The following CNTN5 variants were observed in gnomAD, a reference collection of about 807,000 sequenced individuals.
CNTN5 encodes the protein contactin 5.
Under a neutral mutation model 129.1 loss-of-function variants are expected in CNTN5, and 77 were observed. The ratio of observed to expected loss-of-function variants is 0.60; its 90% CI spans 0.50 to 0.72. The LOEUF is 0.72. Ranked by LOEUF, CNTN5 falls within the 30% of genes least tolerant of loss-of-function variation. The pLI is 0.00. For missense variants in CNTN5, 1,478 were observed against 1,328.8 expected, an observed-to-expected ratio of 1.11 and a Z score of -1.75; for synonymous variants, 509 against 465.6, an observed-to-expected ratio of 1.09 and a Z score of -1.20.
intron 15 of CNTN5, among the ~76,000 whole-genome samples, chr11:100,221,754 T>G (rs1949270883): frequency 6.6e-6 from 1 of 151,780 alleles, no homozygotes; most frequent in Non-Finnish European, 1.5e-5. Flanking sequence ...GTGGCAAAAT[T>G]CATTTGAAGC....
In CNTN5 at chr11:99,519,551, A is replaced by T. The variant is rs115460119; in HGVS notation, c.-70-36594A>T. On this transcript the variant is annotated intron_variant, in intron 2 of 24. Coordinates refer to ENST00000524871, the MANE Select transcript of CNTN5 (RefSeq NM_014361.4). ...ATCATTCACCAAAATGTTAGATAAT[A>T]ATTTGAATATGTCAATTTTCTTCCT... 3.3e-3 allele frequency among the ~76,000 whole-genome samples: 501 copies of T among 152,180 alleles called. 7 individuals are homozygous for T. Among genetic ancestry groups the T allele is most frequent in the African/African-American group, 0.012 (481 of 41,560 alleles).
chr11:99,117,820 G>T (rs1050700877), intron 1 of CNTN5, among the ~76,000 whole-genome samples: 4 of 152,104 alleles, frequency 2.6e-5, no homozygotes, highest in African/African-American at 4.8e-5. Flanking sequence ...ACTTCTTCCT[G>T]GTGAGGAAGA....
intron 3 of CNTN5, among the ~76,000 whole-genome samples, chr11:99,625,935 C>A (rs1219830139): frequency 6.6e-6 from 1 of 150,516 alleles, no homozygotes; most frequent in Non-Finnish European, 1.5e-5. Context: ...CACACACACA[C>A]ACACACACAT....
intron 1 of CNTN5, among the ~76,000 whole-genome samples, chr11:99,217,705 GA>G (rs780903029): frequency 1.3e-5 from 2 of 152,018 alleles, no homozygotes; most frequent in Non-Finnish European, 2.9e-5. Context: ...TAGAAGAGAA[GA>G]AGAGAATTTT....
At chr11:99,059,403 G>A (rs1434477347) in intron 1 of CNTN5, among the ~76,000 whole-genome samples, 1 of 152,060 alleles carries the variant, frequency 6.6e-6, no homozygotes, top group African/African-American at 2.4e-5. Flanking sequence ...CCTAGTGGAA[G>A]ATGCTTCATT....
chr11:99,859,182 A>G (rs1948132039), intron 6 of CNTN5, among the ~76,000 whole-genome samples: 1 of 152,220 alleles, frequency 6.6e-6, no homozygotes. Context: ...TCCTGAGATT[A>G]TGCTTAGTAT....
At chr11:99,668,434 C>G (rs1348417064) in intron 3 of CNTN5, among the ~76,000 whole-genome samples, 1 of 151,978 alleles carries the variant, frequency 6.6e-6, no homozygotes, top group Non-Finnish European at 1.5e-5. Context: ...GAAGTGCTGA[C>G]CAGCGCCCAT....
chr11:100,258,234 G>C (rs183511014), intron 17 of CNTN5, among the ~76,000 whole-genome samples: 1 of 152,168 alleles, frequency 6.6e-6, no homozygotes, highest in East Asian at 1.9e-4. Flanking sequence ...GACAAGATTA[G>C]AGAAAAAAGA....
chr11:99,682,948 G>T (rs1953624553), intron 3 of CNTN5, among the ~76,000 whole-genome samples: 1 of 151,852 alleles, frequency 6.6e-6, no homozygotes, highest in Admixed American at 6.6e-5. Flanking sequence ...ATAAACTTCA[G>T]TTGGTGCAGG....
intron 3 of CNTN5, among the ~76,000 whole-genome samples, chr11:99,612,165 C>T (rs1386829308): frequency 1.3e-5 from 2 of 152,144 alleles, no homozygotes; most frequent in Non-Finnish European, 2.9e-5. Flanking sequence ...TACGAGGAAA[C>T]TGAGACTCAT....
intron 1 of CNTN5, among the ~76,000 whole-genome samples, chr11:99,306,590 C>T (rs1352201624): frequency 6.6e-6 from 1 of 151,614 alleles, no homozygotes; most frequent in African/African-American, 2.4e-5. Flanking sequence ...ATAAATTAAA[C>T]AAAAATCCTT....
intron 15 of CNTN5, among the ~76,000 whole-genome samples, chr11:100,213,697 T>A (rs1949081466): frequency 6.6e-6 from 1 of 152,184 alleles, no homozygotes; most frequent in African/African-American, 2.4e-5. Flanking sequence ...GAACTATTCT[T>A]CTATTTGAAT....
intron 8 of CNTN5, among the ~76,000 whole-genome samples, chr11:99,977,502 T>C (rs751915903): frequency 1.3e-5 from 2 of 152,222 alleles, no homozygotes; most frequent in Non-Finnish European, 2.9e-5. Context: ...TTTAATTGAC[T>C]GATGGTTCTG....
At chr11:99,991,242 T>C (rs377574426) in intron 8 of CNTN5, among the ~76,000 whole-genome samples, 1 of 152,158 alleles carries the variant, frequency 6.6e-6, no homozygotes, top group East Asian at 1.9e-4. Flanking sequence ...CCAAGGCAGG[T>C]GGATCACAAG....
At chr11:99,394,956 G>A (rs1941444520) in intron 2 of CNTN5, among the ~76,000 whole-genome samples, 1 of 151,814 alleles carries the variant, frequency 6.6e-6, no homozygotes, top group African/African-American at 2.4e-5. Flanking sequence ...GGGCATTCAG[G>A]TTGATTCACT....
chr11:99,070,352 T>G (rs1454537218), intron 1 of CNTN5, among the ~76,000 whole-genome samples: 1 of 152,170 alleles, frequency 6.6e-6, no homozygotes, highest in African/African-American at 2.4e-5. Flanking sequence ...GTATCTGTGT[T>G]CAGAAATAAT....
intron 3 of CNTN5, among the ~76,000 whole-genome samples, chr11:99,612,607 C>T (rs1320231905): frequency 6.6e-6 from 1 of 152,100 alleles, no homozygotes; most frequent in African/African-American, 2.4e-5. Flanking sequence ...GAAACAACAA[C>T]GTAGGAGCCT....
intron 3 of CNTN5, among the ~76,000 whole-genome samples, chr11:99,620,976 C>T (rs1188241346): frequency 2.5e-5 from 3 of 117,832 alleles, no homozygotes; most frequent in South Asian, 2.7e-4. Context: ...ACTTGTATGC[C>T]TATTTTTTTT....
intron 7 of CNTN5, among the ~76,000 whole-genome samples, chr11:99,924,662 T>C (rs561206557): frequency 5.3e-5 from 8 of 152,242 alleles, no homozygotes; most frequent in African/African-American, 1.9e-4. Flanking sequence ...GTGGTTATCA[T>C]GCTTTTTCTG....
Sources: gnomAD v4.1 joint callset for allele counts (sites outside exome capture counted in the v4.1 genomes callset) on GRCh38, gnomAD v4.1.1 for gene constraint, MANE v1.5 for transcripts, NCBI Gene and HGNC (gene_info 2026-07-23, HGNC 2026-07-21) for gene names.